The following KCTD8 variants were observed in gnomAD, a reference collection of about 807,000 sequenced individuals.
KCTD8 encodes BTB/POZ domain-containing protein KCTD8.
Under a neutral mutation model 31.5 loss-of-function variants are expected in KCTD8, and 27 were observed. The observed-to-expected ratio is 0.86, with a 90% CI of 0.63 to 1.18. The LOEUF (loss-of-function observed/expected upper bound fraction) is 1.18. Ranked by LOEUF, KCTD8 falls within the 50% of genes most tolerant of loss-of-function variation. The pLI is 0.00. For synonymous variants in KCTD8, 290 were observed against 280.0 expected, an observed-to-expected ratio of 1.04 and a Z score of -0.36; for missense variants, 658 against 647.7, an observed-to-expected ratio of 1.02 and a Z score of -0.17.
chr4:44,441,408 C>A (rs1721807277), intron 1 of KCTD8, among the ~76,000 whole-genome samples: 2 of 152,052 alleles, frequency 1.3e-5, no homozygotes, highest in South Asian at 4.1e-4. Context: ...AATAACCCTT[C>A]CAGCAAGACA....
intron 1 of KCTD8, among the ~76,000 whole-genome samples, chr4:44,316,499 C>T (rs1718112000): frequency 6.6e-6 from 1 of 151,852 alleles, no homozygotes; most frequent in Non-Finnish European, 1.5e-5. Flanking sequence ...TATAAACGTA[C>T]TATGTTAACA....
At chr4:44,416,785 T>C (rs1396708932) in intron 1 of KCTD8, among the ~76,000 whole-genome samples, 2 of 152,128 alleles carry the variant, frequency 1.3e-5, no homozygotes, top group African/African-American at 4.8e-5. Context: ...TGAACCAAAA[T>C]AAAAATCTCT....
At chr4:44,388,999 T>C (rs1223798472) in intron 1 of KCTD8, among the ~76,000 whole-genome samples, 5 of 151,798 alleles carry the variant, frequency 3.3e-5, no homozygotes, top group Non-Finnish European at 7.4e-5. Context: ...GAGGACATTA[T>C]GATAAGTGAA....
chr4:44,420,864 A>G (rs752064369), intron 1 of KCTD8, among the ~76,000 whole-genome samples: 4 of 152,140 alleles, frequency 2.6e-5, no homozygotes, highest in Non-Finnish European at 5.9e-5. Context: ...AAAGAGTCAG[A>G]AAATAAAGAC....
chr4:44,346,295 C>A (rs1719035348), intron 1 of KCTD8, among the ~76,000 whole-genome samples: 1 of 151,994 alleles, frequency 6.6e-6, no homozygotes, highest in Non-Finnish European at 1.5e-5. Context: ...GCCCTTGGTC[C>A]TCATTCAAAA....
chr4:44,433,504 T>C (rs1386659868), intron 1 of KCTD8, among the ~76,000 whole-genome samples: 1 of 151,628 alleles, frequency 6.6e-6, no homozygotes, highest in Non-Finnish European at 1.5e-5. Context: ...CAGATGGGAG[T>C]ATATAAGTCT....
chr4:44,216,163 A>G (rs2109345789), intron 1 of KCTD8, among the ~76,000 whole-genome samples: 1 of 152,276 alleles, frequency 6.6e-6, no homozygotes, highest in East Asian at 1.9e-4. Context: ...TGCTATAGAA[A>G]CAATCAGTAT....
At chr4:44,410,319 C>T (rs1230201876) in intron 1 of KCTD8, among the ~76,000 whole-genome samples, 1 of 152,062 alleles carries the variant, frequency 6.6e-6, no homozygotes, top group Admixed American at 6.6e-5. Context: ...CAGTGTAATA[C>T]TAATCACAAT....
chr4:44,270,286 C>G (rs1248161505), intron 1 of KCTD8, among the ~76,000 whole-genome samples: 2 of 150,452 alleles, frequency 1.3e-5, no homozygotes, highest in African/African-American at 2.4e-5. Context: ...CAAACTATCA[C>G]AAGGACAAAA....
intron 1 of KCTD8, among the ~76,000 whole-genome samples, chr4:44,349,109 T>C (rs916118799): frequency 1.4e-5 from 2 of 142,700 alleles, no homozygotes; most frequent in African/African-American, 2.5e-5. Flanking sequence ...CCACCAATGC[T>C]ATCATCATCA....
At chr4:44,219,062 C>T (rs1577836746) in intron 1 of KCTD8, among the ~76,000 whole-genome samples, 3 of 152,262 alleles carry the variant, frequency 2.0e-5, no homozygotes, top group East Asian at 3.9e-4. Flanking sequence ...GCTTCACTCA[C>T]CTCGAAAAGT....
intron 1 of KCTD8, among the ~76,000 whole-genome samples, chr4:44,208,677 C>T (rs1714389641): frequency 6.6e-6 from 1 of 152,170 alleles, no homozygotes; most frequent in African/African-American, 2.4e-5. Flanking sequence ...TGCCTCTCAA[C>T]TTCTTGCTCA....
chr4:44,412,779 A>G (rs538992877), intron 1 of KCTD8, among the ~76,000 whole-genome samples: 1 of 152,330 alleles, frequency 6.6e-6, no homozygotes, highest in East Asian at 1.9e-4. Flanking sequence ...AATGATACGT[A>G]AAAATTGATG....
At chr4:44,212,193 C>T (rs1714501660) in intron 1 of KCTD8, among the ~76,000 whole-genome samples, 1 of 152,132 alleles carries the variant, frequency 6.6e-6, no homozygotes, top group African/African-American at 2.4e-5. Flanking sequence ...TAAAATCACA[C>T]AGAAATAAAT....
chr4:44,270,088 A>G (rs1360807377), intron 1 of KCTD8, among the ~76,000 whole-genome samples: 1 of 152,128 alleles, frequency 6.6e-6, no homozygotes, highest in Non-Finnish European at 1.5e-5. Flanking sequence ...AGACACATGC[A>G]CACATATGTT....
Position 44,348,314 on chromosome 4 carries a change from C to T in KCTD8, c.961+99249G>A, listed in dbSNP as rs558397754. Among the ~76,000 whole-genome samples, 81 of 152,140 alleles carry T rather than the reference C, an allele frequency of 5.3e-4. No homozygotes were observed. The Middle Eastern group carries it at 0.014, about 26-fold the overall frequency. On this transcript the variant is annotated intron_variant, in intron 1 of 1. Transcript: ENST00000360029. ...CAGTTTTAAATAAATGCAATAATGC[C>T]GCTATCAATGTAACATCGATCTGAA...
chr4:44,430,154 G>C (rs969966658), intron 1 of KCTD8, among the ~76,000 whole-genome samples: 1 of 151,792 alleles, frequency 6.6e-6, no homozygotes, highest in East Asian at 1.9e-4. Context: ...TGTCTTCATG[G>C]ATATTCAGTA....
At chr4:44,293,715 T>A (rs1717345120) in intron 1 of KCTD8, 3 of 430,998 alleles carry the variant, frequency 7.0e-6, no homozygotes, top group Non-Finnish European at 1.4e-5. Flanking sequence ...AAGAACCTTG[T>A]AAACACTGGC....
Position 44,193,737 on chromosome 4 carries a change from A to T in KCTD8, c.962-18487T>A, listed in dbSNP as rs1457446115. 4.6e-5 allele frequency among the ~76,000 whole-genome samples: 7 copies of T among 151,882 alleles called. No homozygotes were observed. In the East Asian group the frequency reaches 7.7e-4, roughly 17 times the overall value. ...ACCTTTACTGGGACCGAGGCTTTTT[A>T]ACCAAGCAATGTCTATTTATCAAAT... On this transcript the variant is annotated intron_variant, in intron 1 of 1. Coordinates refer to ENST00000360029, the MANE Select transcript of KCTD8 (RefSeq NM_198353.3).
Sources: allele counts gnomAD v4.1 joint callset (sites outside exome capture counted in the v4.1 genomes callset), GRCh38; gene constraint gnomAD v4.1.1; transcripts MANE v1.5; gene names NCBI Gene and HGNC (gene_info 2026-07-23, HGNC 2026-07-21).